Variants in KCNMB2 observed in about 807,000 individuals in gnomAD.
The protein encoded by KCNMB2 is potassium calcium-activated channel subfamily M regulatory beta subunit 2, also known as calcium-activated potassium channel subunit beta-2.
KCNMB2 carries 9 observed loss-of-function variants against 24.5 expected under a neutral mutation model. The observed-to-expected ratio is 0.37, with a 90% confidence interval of 0.22 to 0.64. KCNMB2 has a LOEUF of 0.64. Among genes scored for constraint, KCNMB2 ranks in the 30% least tolerant of loss-of-function variants. The pLI is 0.63. For missense variants in KCNMB2, 226 were observed against 284.3 expected (o/e 0.79, Z 1.47); for synonymous variants, 109 against 104.4 (o/e 1.04, Z -0.27).
Position 178,744,719 on chromosome 3 carries a change from A to G in KCNMB2, c.-67-62624A>G, listed in dbSNP as rs987352051. On this transcript the variant is annotated intron_variant, in intron 1 of 4. Transcript: ENST00000452583. Reference sequence around the variant, plus strand: ...CACATAGGATCTTGTGGGATCCGAAAAAAAAAAAGGATTAGGCATGGCCAG... The same window carrying G: ...CACATAGGATCTTGTGGGATCCGAAGAAAAAAAAGGATTAGGCATGGCCAG... 4.6e-5 allele frequency among the ~76,000 whole-genome samples: 7 copies of G among 151,834 alleles called. No homozygotes were observed. The South Asian group carries it at 1.5e-3, about 32-fold the overall frequency.
Position 178,666,896 on chromosome 3 carries a change from G to A in KCNMB2, c.-68+130185G>A, listed in dbSNP as rs147603913. The stretch of plus-strand genomic sequence containing the variant: ...TTGTCCCAGGACCCCCTACAGATAC[G>A]AAACTCTTCAGATGTTCAAGTTCCT... On this transcript the variant is annotated intron_variant, in intron 1 of 4. Transcript: ENST00000452583. Among the ~76,000 whole-genome samples, 9 of 152,198 alleles carry A rather than the reference G, an allele frequency of 5.9e-5. No individual in the cohort carries two copies. In the East Asian group the frequency reaches 1.7e-3, roughly 29 times the overall value.
At chr3:178,625,792 CCACTTGTT>C (rs941015911) in intron 1 of KCNMB2, among the ~76,000 whole-genome samples, 1 of 152,184 alleles carries the variant, frequency 6.6e-6, no homozygotes, top group Non-Finnish European at 1.5e-5. Context: ...TGCTCAATAT[CCACTTGTT>C]CACTTTTCCT....
chr3:178,729,674 T>A (rs1283282494), intron 1 of KCNMB2, among the ~76,000 whole-genome samples: 1 of 152,222 alleles, frequency 6.6e-6, no homozygotes, highest in African/African-American at 2.4e-5. Flanking sequence ...GCAATTTTAT[T>A]TCATTTCCAG....
At chr3:178,665,930 A>C (rs1720701911) in intron 1 of KCNMB2, among the ~76,000 whole-genome samples, 1 of 152,196 alleles carries the variant, frequency 6.6e-6, no homozygotes, top group South Asian at 2.1e-4. Context: ...TTGTCCAAGA[A>C]TAGCATCCCC....
intron 1 of KCNMB2, among the ~76,000 whole-genome samples, chr3:178,793,044 C>A (rs145000669): frequency 2.9e-4 from 44 of 152,322 alleles, no homozygotes; most frequent in African/African-American, 1.1e-3. Context: ...CAAGCTACAT[C>A]GACAGTGCCC....
intron 1 of KCNMB2, among the ~76,000 whole-genome samples, chr3:178,768,644 C>T (rs1442487445): frequency 1.3e-5 from 2 of 152,090 alleles, no homozygotes; most frequent in Non-Finnish European, 2.9e-5. Flanking sequence ...GTCAAGAAGT[C>T]TTACTCTCAG....
At chr3:178,639,863 C>T (rs1353749954) in intron 1 of KCNMB2, among the ~76,000 whole-genome samples, 1 of 152,154 alleles carries the variant, frequency 6.6e-6, no homozygotes, top group African/African-American at 2.4e-5. Flanking sequence ...AAATCAAGTT[C>T]TTAGTTTGCA....
In KCNMB2 at chr3:178,648,275, C is replaced by T. The variant is rs907466365; in HGVS notation, c.-68+111564C>T. Among the ~76,000 whole-genome samples, 13 of 152,152 alleles carry T rather than the reference C, an allele frequency of 8.5e-5. No individual in the cohort carries two copies. The South Asian group carries it at 1.2e-3, about 15-fold the overall frequency. On this transcript the variant is annotated intron_variant, in intron 1 of 4. Transcript: ENST00000452583. ...TTGTTTTACCAGGCACAATGGCTCA[C>T]GCATGTAATCCCAACACTTTGGGAA... is the stretch of plus-strand genomic sequence containing the variant.
intron 1 of KCNMB2, among the ~76,000 whole-genome samples, chr3:178,774,072 G>A (rs995137301): frequency 6.6e-6 from 1 of 152,178 alleles, no homozygotes; most frequent in Non-Finnish European, 1.5e-5. Flanking sequence ...CATGACAGAA[G>A]GCAGAAGTGT....
chr3:178,713,677 C>T (rs1331963448), intron 1 of KCNMB2, among the ~76,000 whole-genome samples: 1 of 152,170 alleles, frequency 6.6e-6, no homozygotes, highest in Non-Finnish European at 1.5e-5. Flanking sequence ...GGTATGGTCT[C>T]TGCCCCAAGG....
At chr3:178,568,831 T>TAGAATGTGTA (rs1491104471) in intron 1 of KCNMB2, among the ~76,000 whole-genome samples, 7 of 116,198 alleles carry the variant, frequency 6.0e-5, no homozygotes, top group Non-Finnish European at 1.3e-4. Flanking sequence ...GATAGATAGA[T>TAGAATGTGTA]GATAGATAGA....
At chr3:178,805,789 G>A (rs9850671) in intron 1 of KCNMB2, among the ~76,000 whole-genome samples, 14,021 of 151,804 alleles carry the variant, frequency 0.092, 758 homozygotes, top group Middle Eastern at 0.22. Flanking sequence ...ACTACCACAC[G>A]TGGCTAATTT....
intron 1 of KCNMB2, among the ~76,000 whole-genome samples, chr3:178,754,695 T>C (rs751957233): frequency 6.6e-6 from 1 of 152,170 alleles, no homozygotes; most frequent in Admixed American, 6.5e-5. Context: ...CTGACGTTTA[T>C]AGATGATACT....
chr3:178,631,396 C>A (rs1425117511), intron 1 of KCNMB2, among the ~76,000 whole-genome samples: 1 of 152,210 alleles, frequency 6.6e-6, no homozygotes, highest in Non-Finnish European at 1.5e-5. Context: ...CTAGGGGACC[C>A]AAGCCACATA....
chr3:178,575,497 C>A (rs1164278324), intron 1 of KCNMB2, among the ~76,000 whole-genome samples: 2 of 152,180 alleles, frequency 1.3e-5, no homozygotes, highest in African/African-American at 4.8e-5. Context: ...AATAAAGATA[C>A]CATCTAGTGA....
intron 1 of KCNMB2, among the ~76,000 whole-genome samples, chr3:178,790,350 T>C (rs71310307): frequency 0.048 from 7,304 of 152,036 alleles, 244 homozygotes; most frequent in Non-Finnish European, 0.074. Context: ...GTGGTGCCCA[T>C]AGAGAGAGAC....
intron 1 of KCNMB2, among the ~76,000 whole-genome samples, chr3:178,706,560 C>G (rs1204731946): frequency 6.6e-6 from 1 of 152,062 alleles, no homozygotes; most frequent in Non-Finnish European, 1.5e-5. Context: ...AACTCCCAAT[C>G]CAAGCCAGCA....
intron 1 of KCNMB2, among the ~76,000 whole-genome samples, chr3:178,775,378 C>T (rs1422194983): frequency 1.3e-5 from 2 of 151,792 alleles, no homozygotes; most frequent in African/African-American, 4.8e-5. Context: ...AAATAAAACA[C>T]CCAGAGAAAT....
Position 178,843,028 on chromosome 3 carries a change from T to C in KCNMB2, c.*91T>C. On this transcript the variant is annotated 3_prime_UTR_variant, in exon 5 of 5. Coordinates refer to ENST00000452583, the MANE Select transcript of KCNMB2 (RefSeq NM_181361.3). ...AGAACCTTAAGTTTGTAACGTGCAGTCTGTTATGAGTTCCCTAATATATTC... is the reference window on the plus strand; with the variant it reads ...AGAACCTTAAGTTTGTAACGTGCAGCCTGTTATGAGTTCCCTAATATATTC... 1.9e-6 allele frequency: 2 copies of C among 1,074,924 alleles called. No homozygotes were observed. Among genetic ancestry groups the C allele is most frequent in the Non-Finnish European group, 2.7e-6 (2 of 741,664 alleles). The allele number at this position is 1,074,924 out of a possible 1,614,324, so 66.6% of individuals were successfully genotyped here.
Sources: allele counts gnomAD v4.1 joint callset (sites outside exome capture counted in the v4.1 genomes callset), GRCh38; gene constraint gnomAD v4.1.1; transcripts MANE v1.5; gene names NCBI Gene and HGNC (gene_info 2026-07-23, HGNC 2026-07-21).